PRDM5: variants seen among roughly 807,000 people sequenced by gnomAD.
The protein encoded by PRDM5 is PR domain zinc finger protein 5.
PRDM5 carries 56 observed loss-of-function variants against 81.2 expected under a neutral mutation model. The ratio of observed to expected loss-of-function variants is 0.69; its 90% confidence interval spans 0.56 to 0.86. The LOEUF (loss-of-function observed/expected upper bound fraction) is 0.86. Among genes scored for constraint, PRDM5 ranks in the 40% least tolerant of loss-of-function variants. The pLI, the probability that PRDM5 is intolerant of heterozygous loss-of-function variation, is 0.00. For synonymous variants in PRDM5, 267 were observed against 256.4 expected (o/e 1.04, Z -0.39); for missense variants, 697 against 770.1 (o/e 0.91, Z 1.12).
intron 2 of PRDM5, chr4:120,896,596 A>G (rs1486596605): frequency 6.6e-6 from 1 of 151,330 alleles, no homozygotes; most frequent in Admixed American, 6.6e-5. Context: ...AAATTTCCTC[A>G]CTGGCTTGTT....
intron 8 of PRDM5, among the ~76,000 whole-genome samples, chr4:120,801,869 T>C (rs1752158810): frequency 7.0e-6 from 1 of 142,448 alleles, no homozygotes; most frequent in African/African-American, 2.5e-5. Flanking sequence ...TTAAACTCTA[T>C]GTTTCTGTAA....
chr4:120,717,961 G>A (rs933562782), intron 14 of PRDM5, among the ~76,000 whole-genome samples: 5 of 152,172 alleles, frequency 3.3e-5, no homozygotes, highest in African/African-American at 1.2e-4. Flanking sequence ...TGACTCTACT[G>A]AAATTGAGAA....
intron 13 of PRDM5, among the ~76,000 whole-genome samples, chr4:120,760,830 C>T (rs1578631031): frequency 6.6e-6 from 1 of 151,886 alleles, no homozygotes; most frequent in African/African-American, 2.4e-5. Context: ...CACAAAATCA[C>T]TGTCTCTTCA....
chr4:120,841,965 A>G (rs1394708365), intron 3 of PRDM5, among the ~76,000 whole-genome samples: 2 of 152,190 alleles, frequency 1.3e-5, no homozygotes, highest in African/African-American at 4.8e-5. Context: ...TCATTACTAC[A>G]TTTGTTACGT....
chr4:120,710,764 G>T (rs1263343723), intron 14 of PRDM5, among the ~76,000 whole-genome samples: 1 of 152,000 alleles, frequency 6.6e-6, no homozygotes, highest in East Asian at 1.9e-4. Flanking sequence ...AAGGATGAGT[G>T]AGCTTCCCCC....
Position 120,712,138 on chromosome 4 carries a change from T to C in PRDM5, c.1624-1725A>G, listed in dbSNP as rs185717117. Among the ~76,000 whole-genome samples the C allele has an allele frequency of 2.1e-3, 316 of 151,744 alleles. 1 individual carries two copies. The highest frequency in any genetic ancestry group is 7.1e-3 in the African/African-American group (293 of 41,384). On this transcript the variant is annotated intron_variant, in intron 14 of 15. Transcript: ENST00000264808. The stretch of plus-strand genomic sequence containing the variant: ...CCGTCTCTACTAAAAATACAAAAGT[T>C]AGCTGGGCATGGTGGCGGGCACCTG...
At chr4:120,907,896 T>C (rs1426390812) in intron 1 of PRDM5, among the ~76,000 whole-genome samples, 1 of 152,258 alleles carries the variant, frequency 6.6e-6, no homozygotes, top group Non-Finnish European at 1.5e-5. Flanking sequence ...CTGAGTTTTG[T>C]CTGACTTGAG....
intron 14 of PRDM5, among the ~76,000 whole-genome samples, chr4:120,747,437 TA>T (rs920640286): frequency 8.6e-5 from 13 of 151,802 alleles, no homozygotes; most frequent in Middle Eastern, 3.4e-3. Context: ...AGTATAATAA[TA>T]AAAAAATAAA....
chr4:120,876,546 A>G (rs1762350113), intron 2 of PRDM5, among the ~76,000 whole-genome samples: 2 of 152,218 alleles, frequency 1.3e-5, no homozygotes, highest in Non-Finnish European at 2.9e-5. Context: ...ATATTGCATT[A>G]TAACAGAACT....
At chr4:120,870,500 C>CACCTGACTG (rs1403753096) in intron 2 of PRDM5, among the ~76,000 whole-genome samples, 1 of 152,070 alleles carries the variant, frequency 6.6e-6, no homozygotes, top group African/African-American at 2.4e-5. Context: ...GGAAAAACCT[C>CACCTGACTG]ACCTGCCTGA....
At chr4:120,826,315 T>A (rs1755974424) in intron 3 of PRDM5, among the ~76,000 whole-genome samples, 1 of 152,164 alleles carries the variant, frequency 6.6e-6, no homozygotes, top group African/African-American at 2.4e-5. Flanking sequence ...AACTCCTCCA[T>A]GTGCTCTGAG....
intron 2 of PRDM5, among the ~76,000 whole-genome samples, chr4:120,905,681 T>C (rs1293318599): frequency 1.3e-5 from 2 of 152,152 alleles, no homozygotes; most frequent in Middle Eastern, 3.2e-3. Context: ...CATAATACCT[T>C]AAAATAAACA....
Position 120,743,998 on chromosome 4 carries a change from C to T in PRDM5, c.1623+10555G>A, listed in dbSNP as rs556102327. ...ATACATTTTTTTCAGCACCACACCA[C>T]ACCTATTCCAAAATTGACCACATAC... On this transcript the variant is annotated intron_variant, in intron 14 of 15. Transcript: ENST00000264808. Among the ~76,000 whole-genome samples, 44 of 152,196 alleles carry T rather than the reference C, an allele frequency of 2.9e-4. 1 individual carries two copies. The South Asian group carries it at 3.7e-3, about 13-fold the overall frequency.
At chr4:120,843,618 G>A (rs1578957848) in intron 3 of PRDM5, among the ~76,000 whole-genome samples, 1 of 151,310 alleles carries the variant, frequency 6.6e-6, no homozygotes, top group East Asian at 2.0e-4. Context: ...TTGAACCCAG[G>A]AGATGGAGGC....
In PRDM5 at chr4:120,882,080, C is replaced by T. The variant is rs536905702; in HGVS notation, c.177+25394G>A. On this transcript the variant is annotated intron_variant, in intron 2 of 15. Transcript: ENST00000264808. The stretch of plus-strand genomic sequence containing the variant: ...TCCTTGCCTCCTTCCTTCTCTCCCT[C>T]GCTCAGCGGGGTCCTAAGCAAGCCA... 5.9e-5 allele frequency among the ~76,000 whole-genome samples: 9 copies of T among 152,356 alleles called. No homozygotes were observed. In the South Asian group the frequency reaches 1.9e-3, roughly 32 times the overall value.
chr4:120,811,041 A>G (rs979116735), intron 8 of PRDM5, among the ~76,000 whole-genome samples: 25 of 152,278 alleles, frequency 1.6e-4, no homozygotes, highest in African/African-American at 6.0e-4. Flanking sequence ...TCTCTTTTGT[A>G]AAGAAAATAT....
At chr4:120,803,829 A>G (rs1420131898) in intron 8 of PRDM5, among the ~76,000 whole-genome samples, 2 of 152,222 alleles carry the variant, frequency 1.3e-5, no homozygotes, top group Admixed American at 1.3e-4. Context: ...CATCATAATG[A>G]TAGGATCAAA....
At chr4:120,707,636 A>G (rs760824467) in intron 15 of PRDM5, among the ~76,000 whole-genome samples, 10 of 152,000 alleles carry the variant, frequency 6.6e-5, no homozygotes, top group Non-Finnish European at 1.3e-4. Flanking sequence ...GAATTCTTAG[A>G]TATAACACCA....
rs2203060 is a variant in PRDM5 at position 120,799,429 on chromosome 4, T to C, written c.1030+232A>G. Among the ~76,000 whole-genome samples, 30,250 of 152,048 alleles carry C rather than the reference T, an allele frequency of 0.2. 3,664 individuals carry two copies. The highest frequency in any genetic ancestry group is 0.28 in the Non-Finnish European group (18,933 of 67,952). On this transcript the variant is annotated intron_variant, in intron 9 of 15. Coordinates refer to ENST00000264808, the MANE Select transcript of PRDM5 (RefSeq NM_018699.4). ...GGCTCAAGGAGGAGTAAGTGACAAATTACATGGTGATTCTGAAGATCTTCA... is the reference window on the plus strand; with the variant it reads ...GGCTCAAGGAGGAGTAAGTGACAAACTACATGGTGATTCTGAAGATCTTCA...
Sources: allele counts gnomAD v4.1 joint callset (sites outside exome capture counted in the v4.1 genomes callset), GRCh38; gene constraint gnomAD v4.1.1; transcripts MANE v1.5; gene names NCBI Gene and HGNC (gene_info 2026-07-23, HGNC 2026-07-21).